The following GALNTL6 variants were observed in gnomAD, a reference collection of about 807,000 sequenced individuals.
The protein encoded by GALNTL6 is polypeptide N-acetylgalactosaminyltransferase like 6.
GALNTL6 carries 46 observed loss-of-function variants against 73.7 expected under a neutral mutation model. That is an observed-to-expected ratio of 0.62 (90% confidence interval 0.49 to 0.80). The LOEUF (loss-of-function observed/expected upper bound fraction) is 0.80. Ranked by LOEUF, GALNTL6 falls within the 30% of genes least tolerant of loss-of-function variation. GALNTL6 has a pLI of 0.00. For synonymous variants in GALNTL6, 259 were observed against 263.7 expected (o/e 0.98, Z 0.17); for missense variants, 604 against 755.0 (o/e 0.80, Z 2.34).
At chr4:172,481,946 G>A (rs770202699) in intron 5 of GALNTL6, among the ~76,000 whole-genome samples, 17 of 152,206 alleles carry the variant, frequency 1.1e-4, no homozygotes, top group Admixed American at 3.9e-4. Context: ...GGCAGTGCCC[G>A]TCGGGGAGGC....
At chr4:172,423,834 G>GGATAGTTT in intron 5 of GALNTL6, among the ~76,000 whole-genome samples, 1 of 151,984 alleles carries the variant, frequency 6.6e-6, no homozygotes, top group South Asian at 2.1e-4. Flanking sequence ...GTACAGTAAG[G>GGATAGTTT]GATAGTTTGA....
intron 2 of GALNTL6, among the ~76,000 whole-genome samples, chr4:172,152,672 G>T (rs948928430): frequency 2.0e-5 from 3 of 152,162 alleles, no homozygotes; most frequent in African/African-American, 7.2e-5. Context: ...ACAGTAGTGA[G>T]ATGTCAGCTC....
intron 2 of GALNTL6, among the ~76,000 whole-genome samples, chr4:172,146,373 A>G (rs1733928378): frequency 6.6e-6 from 1 of 152,220 alleles, no homozygotes; most frequent in African/African-American, 2.4e-5. Context: ...AAAAGAAAAG[A>G]AATATAAAAG....
At chr4:172,401,555 T>C (rs1169862756) in intron 5 of GALNTL6, among the ~76,000 whole-genome samples, 1 of 152,128 alleles carries the variant, frequency 6.6e-6, no homozygotes, top group Non-Finnish European at 1.5e-5. Context: ...TAGGAAAATA[T>C]AGTTCATTTC....
At chr4:172,782,512 T>A (rs1445961584) in intron 5 of GALNTL6, among the ~76,000 whole-genome samples, 3 of 152,144 alleles carry the variant, frequency 2.0e-5, no homozygotes, top group Non-Finnish European at 2.9e-5. Context: ...TCAGTAGGTG[T>A]GCATAAAATG....
At chr4:172,924,733 G>A (rs915502551) in intron 8 of GALNTL6, among the ~76,000 whole-genome samples, 1 of 152,174 alleles carries the variant, frequency 6.6e-6, no homozygotes, top group African/African-American at 2.4e-5. Context: ...TAGTGACTGA[G>A]AGACAAGTAG....
chr4:172,343,596 T>A (rs1270950946), intron 4 of GALNTL6, among the ~76,000 whole-genome samples: 1 of 152,090 alleles, frequency 6.6e-6, no homozygotes, highest in African/African-American at 2.4e-5. Flanking sequence ...AAAGAATAAA[T>A]GTTAAGTATG....
intron 2 of GALNTL6, among the ~76,000 whole-genome samples, chr4:171,943,598 A>C (rs1738615709): frequency 6.6e-6 from 1 of 152,150 alleles, no homozygotes; most frequent in Non-Finnish European, 1.5e-5. Flanking sequence ...ACTTTTCTCA[A>C]GGCAATGTTA....
intron 5 of GALNTL6, among the ~76,000 whole-genome samples, chr4:172,413,708 G>A (rs1337038374): frequency 2.8e-5 from 4 of 140,504 alleles, no homozygotes; most frequent in Admixed American, 2.2e-4. Flanking sequence ...TCTCATCCTT[G>A]TAGGGATCAT....
intron 2 of GALNTL6, among the ~76,000 whole-genome samples, chr4:172,199,792 A>G (rs1191842997): frequency 1.3e-5 from 2 of 152,170 alleles, no homozygotes; most frequent in Non-Finnish European, 2.9e-5. Flanking sequence ...TGTTTTAAAT[A>G]GTGGGAAAGT....
At chr4:172,160,982 G>A (rs1734445583) in intron 2 of GALNTL6, among the ~76,000 whole-genome samples, 1 of 151,136 alleles carries the variant, frequency 6.6e-6, no homozygotes, top group African/African-American at 2.4e-5. Context: ...AACATTAAGG[G>A]GAAGGATCTA....
At chr4:172,384,639 T>A (rs565628045) in intron 5 of GALNTL6, among the ~76,000 whole-genome samples, 1 of 152,234 alleles carries the variant, frequency 6.6e-6, no homozygotes, top group African/African-American at 2.4e-5. Context: ...CATTGCTTTG[T>A]GTTGTTTGCA....
At chr4:172,453,346 A>C (rs917854178) in intron 5 of GALNTL6, among the ~76,000 whole-genome samples, 2 of 152,206 alleles carry the variant, frequency 1.3e-5, no homozygotes, top group African/African-American at 4.8e-5. Flanking sequence ...GAATTTTAAA[A>C]AGGAATGCAT....
chr4:172,872,846 T>TA (rs1229690822), intron 7 of GALNTL6, among the ~76,000 whole-genome samples: 3 of 152,166 alleles, frequency 2.0e-5, no homozygotes, highest in African/African-American at 7.2e-5. Flanking sequence ...CGTCAATCAC[T>TA]ACCTCCTGCC....
chr4:172,941,081 T>C (rs547607650), intron 9 of GALNTL6, among the ~76,000 whole-genome samples: 4 of 152,364 alleles, frequency 2.6e-5, no homozygotes, highest in African/African-American at 9.6e-5. Context: ...TAAGGAATTT[T>C]GCTTAATTTA....
intron 9 of GALNTL6, among the ~76,000 whole-genome samples, chr4:172,937,944 A>G (rs1157065736): frequency 6.6e-6 from 1 of 152,240 alleles, no homozygotes; most frequent in Non-Finnish European, 1.5e-5. Flanking sequence ...ATAGCCATAT[A>G]TATTTGATAT....
intron 5 of GALNTL6, among the ~76,000 whole-genome samples, chr4:172,373,479 C>G (rs1742901873): frequency 6.6e-6 from 1 of 152,192 alleles, no homozygotes; most frequent in African/African-American, 2.4e-5. Flanking sequence ...CCTTACTAAG[C>G]CTTGAGCTTT....
chr4:172,996,210 TA>T lies in GALNTL6; in HGVS notation c.1372-12960del, dbSNP rs555189330. Reference sequence around the variant, plus strand: ...CACACCATGGAATACTATGCAACCATAAAAAAAATGAGATCATGTCCTTTGC... The same window carrying T: ...CACACCATGGAATACTATGCAACCATAAAAAAATGAGATCATGTCCTTTGC... On this transcript the variant is annotated intron_variant, in intron 10 of 12. Coordinates refer to ENST00000506823, the MANE Select transcript of GALNTL6 (RefSeq NM_001034845.3). Among the ~76,000 whole-genome samples, 508 of 150,808 alleles carry T rather than the reference TA, an allele frequency of 3.4e-3. 3 individuals carry two copies. The highest frequency in any genetic ancestry group is 0.012 in the African/African-American group (489 of 41,040).
chr4:172,838,614 G>A (rs1743039794), intron 7 of GALNTL6, among the ~76,000 whole-genome samples: 1 of 152,112 alleles, frequency 6.6e-6, no homozygotes, highest in Non-Finnish European at 1.5e-5. Flanking sequence ...AAAATACAAT[G>A]TTTAAAGGCA....
Sources: allele counts gnomAD v4.1 joint callset (sites outside exome capture counted in the v4.1 genomes callset), GRCh38; gene constraint gnomAD v4.1.1; transcripts MANE v1.5; gene names NCBI Gene and HGNC (gene_info 2026-07-23, HGNC 2026-07-21).